FAM227A: variants seen among roughly 807,000 people sequenced by gnomAD.
FAM227A encodes the protein protein FAM227A.
Under a neutral mutation model 74.7 loss-of-function variants are expected in FAM227A, and 80 were observed. That is an observed-to-expected ratio of 1.07 (90% CI 0.89 to 1.29). The LOEUF is 1.29. Ranked by LOEUF, FAM227A falls within the 50% of genes most tolerant of loss-of-function variation. The pLI, the probability that FAM227A is intolerant of heterozygous loss-of-function variation, is 0.00. For synonymous variants in FAM227A, 237 were observed against 241.8 expected (o/e 0.98, Z 0.19); for missense variants, 654 against 683.4 (o/e 0.96, Z 0.48).
intron 11 of FAM227A, among the ~76,000 whole-genome samples, chr22:38,616,927 G>A (rs1038843860): frequency 1.3e-5 from 2 of 152,038 alleles, no homozygotes; most frequent in Non-Finnish European, 1.5e-5. Flanking sequence ...GGCAGATGGC[G>A]AGGGTGCAGA....
intron 16 of FAM227A, among the ~76,000 whole-genome samples, chr22:38,590,952 T>C (rs1453628125): frequency 1.3e-5 from 2 of 152,052 alleles, no homozygotes; most frequent in African/African-American, 4.8e-5. Flanking sequence ...GCCCAGCTAA[T>C]TTTTGTATTT....
chr22:38,602,844 G>A (rs2091205157), intron 13 of FAM227A, among the ~76,000 whole-genome samples: 1 of 152,064 alleles, frequency 6.6e-6, no homozygotes, highest in Non-Finnish European at 1.5e-5. Flanking sequence ...GGCCTCTACT[G>A]CATTTGGGCT....
rs551555471 is a variant in FAM227A, at chr22:38,609,522, A to T, written c.1039-2046T>A. ...CATTTGCATTCTGTCTTTTAGGATG[A>T]GTAGGAGGTTGGCAATGTTAAACAG... On this transcript the variant is annotated intron_variant, in intron 11 of 16. Transcript: ENST00000535113. Among the ~76,000 whole-genome samples the T allele has an allele frequency of 2.8e-3, 420 of 152,280 alleles. 1 individual carries two copies. The highest frequency in any genetic ancestry group is 4.6e-3 in the Non-Finnish European group (311 of 68,018).
intron 11 of FAM227A, among the ~76,000 whole-genome samples, chr22:38,612,210 T>C (rs2091427445): frequency 6.6e-6 from 1 of 152,152 alleles, no homozygotes; most frequent in Non-Finnish European, 1.5e-5. Flanking sequence ...AAAATATAAA[T>C]CACATCATGT....
chr22:38,653,145 G>A (rs1209781487), intron 1 of FAM227A, among the ~76,000 whole-genome samples: 1 of 152,020 alleles, frequency 6.6e-6, no homozygotes, highest in Non-Finnish European at 1.5e-5. Flanking sequence ...TCATAGGAGT[G>A]CAAACCCTAT....
intron 1 of FAM227A, among the ~76,000 whole-genome samples, chr22:38,650,858 C>G (rs909728015): frequency 6.6e-6 from 1 of 152,188 alleles, no homozygotes; most frequent in Non-Finnish European, 1.5e-5. Flanking sequence ...TTACTTCCAT[C>G]TGTGGGCCCT....
rs576381231 is a variant in FAM227A at position 38,651,171 on chromosome 22, G to A, written c.-94-909C>T. Among the ~76,000 whole-genome samples, 12 of 152,070 alleles carry A rather than the reference G, an allele frequency of 7.9e-5. No individual in the cohort carries two copies. The East Asian group carries it at 1.9e-3, about 24-fold the overall frequency. ...GATGTGGTTCCCTCTGTTGGACTAC[G>A]CCCAGGTGACATATCTGTGGAAACC... On this transcript the variant is annotated intron_variant, in intron 1 of 16. Coordinates refer to ENST00000535113, the MANE Select transcript of FAM227A (RefSeq NM_001013647.2).
intron 16 of FAM227A, among the ~76,000 whole-genome samples, chr22:38,589,573 A>G (rs1384245971): frequency 6.6e-6 from 1 of 152,182 alleles, no homozygotes; most frequent in African/African-American, 2.4e-5. Flanking sequence ...AGTGACGCAT[A>G]TTAAGAAAAG....
chr22:38,636,775 T>TC (rs1259071695), intron 5 of FAM227A, among the ~76,000 whole-genome samples, 178 bp from the exon 6 acceptor site: 1 of 149,984 alleles, frequency 6.7e-6, no homozygotes, highest in Non-Finnish European at 1.5e-5. Context: ...TATTTCTTTT[T>TC]TTTTTTTTTT....
At chr22:38,655,196 CATAG>C (rs981172745) in intron 1 of FAM227A, among the ~76,000 whole-genome samples, 1 of 151,038 alleles carries the variant, frequency 6.6e-6, no homozygotes, top group Non-Finnish European at 1.5e-5. Context: ...ATGGCTACTC[CATAG>C]ATAGAACAGC....
intron 11 of FAM227A, 81 bp downstream of exon 11, chr22:38,620,131 C>T: frequency 2.1e-6 from 2 of 951,352 alleles, no homozygotes; most frequent in South Asian, 2.9e-5. Flanking sequence ...TAACCGGAGG[C>T]CACTGATGCT....
At chr22:38,601,689 T>C (rs2091182032) in intron 13 of FAM227A, among the ~76,000 whole-genome samples, 1 of 152,096 alleles carries the variant, frequency 6.6e-6, no homozygotes, top group South Asian at 2.1e-4. Flanking sequence ...ACTTGGTGAT[T>C]GCAGACAAGG....
At chr22:38,627,378 G>A (rs1488862343) in intron 8 of FAM227A, among the ~76,000 whole-genome samples, 10 of 151,936 alleles carry the variant, frequency 6.6e-5, no homozygotes, top group African/African-American at 2.2e-4. Context: ...GACCAGCCTG[G>A]CCAACATGGT....
At chr22:38,595,600 T>G (rs1358835710) in intron 15 of FAM227A, among the ~76,000 whole-genome samples, 1 of 152,172 alleles carries the variant, frequency 6.6e-6, no homozygotes. Context: ...ATTCACACAG[T>G]CTGGGAGAAT....
rs749367922 is a variant in FAM227A at position 38,626,318 on chromosome 22, G to A, written c.727-15C>T. 19 of 1,548,924 alleles carry A rather than the reference G, an allele frequency of 1.2e-5. No individual in the cohort carries two copies. The highest frequency in any genetic ancestry group is 7.3e-5 in the East Asian group (3 of 40,860). Reference sequence around the variant, plus strand: ...GATGGCAGCCTCTGCGGAGCAAGCCGAGCTCAGGCAACGTTCTCAACATTT... The same window carrying A: ...GATGGCAGCCTCTGCGGAGCAAGCCAAGCTCAGGCAACGTTCTCAACATTT... On this transcript the variant is annotated splice_polypyrimidine_tract_variant and intron_variant, in intron 8 of 16. Coordinates refer to ENST00000535113, the MANE Select transcript of FAM227A (RefSeq NM_001013647.2).
intron 5 of FAM227A, among the ~76,000 whole-genome samples, chr22:38,638,371 C>T (rs769531473): frequency 9.2e-5 from 14 of 152,232 alleles, no homozygotes; most frequent in East Asian, 5.8e-4. Context: ...CTGAGGCATC[C>T]GCAGCAACTC....
rs185079469 is a variant in FAM227A, at chr22:38,587,188, A to G, written c.1639-989T>C. On this transcript the variant is annotated intron_variant, in intron 16 of 16. Transcript: ENST00000535113. ...TAAAAACAAGAAACATCTCAAATCA[A>G]TAACTTCACTTTATGACTTATGGGC... Among the ~76,000 whole-genome samples the G allele has an allele frequency of 1.3e-4, 20 of 152,340 alleles. No homozygotes were observed. The East Asian group carries it at 3.5e-3, about 26-fold the overall frequency.
Position 38,579,076 on chromosome 22 carries a change from T to C in FAM227A, c.*7049A>G, listed in dbSNP as rs2090684659. On this transcript the variant is annotated 3_prime_UTR_variant, in exon 17 of 17. Transcript: ENST00000535113. ...GCTCACAGTCTGGCTCCAGTGACCATGCTCTTAACTGACATGCTAAACCAC... is the reference window on the plus strand; with the variant it reads ...GCTCACAGTCTGGCTCCAGTGACCACGCTCTTAACTGACATGCTAAACCAC... 6.6e-6 allele frequency: 1 copy of C among 152,202 alleles called. No individual in the cohort carries two copies. The highest frequency in any genetic ancestry group is 1.5e-5 in the Non-Finnish European group (1 of 68,040). The allele number at this position is 152,202 out of a possible 1,614,324, so 9.4% of individuals were successfully genotyped here.
intron 11 of FAM227A, among the ~76,000 whole-genome samples, chr22:38,611,166 C>G (rs1208111456): frequency 6.6e-6 from 1 of 152,200 alleles, no homozygotes; most frequent in Non-Finnish European, 1.5e-5. Flanking sequence ...TGGGGGTAAA[C>G]CAAGACTGTT....
Sources: gnomAD v4.1 joint callset for allele counts (sites outside exome capture counted in the v4.1 genomes callset) on GRCh38, gnomAD v4.1.1 for gene constraint, MANE v1.5 for transcripts, NCBI Gene and HGNC (gene_info 2026-07-23, HGNC 2026-07-21) for gene names.